The following CDH23 variants were observed in gnomAD, a reference collection of about 807,000 sequenced individuals.
CDH23 encodes cadherin-23.
Under a neutral mutation model 317.1 loss-of-function variants are expected in CDH23, and 189 were observed. The ratio of observed to expected loss-of-function variants is 0.60; its 90% CI spans 0.53 to 0.67. CDH23 has a LOEUF of 0.67. Ranked by LOEUF, CDH23 falls within the 30% of genes least tolerant of loss-of-function variation. The probability of loss-of-function intolerance (pLI) is 0.00; values close to 1 mark genes in which losing one functional copy is unlikely to be tolerated. For missense variants in CDH23, 4,401 were observed against 4,592.4 expected, an observed-to-expected ratio of 0.96 and a Z score of 1.20; for synonymous variants, 1,839 against 1,876.8, an observed-to-expected ratio of 0.98 and a Z score of 0.52.
At position 71,646,594 on chromosome 10, in the gene CDH23, G is replaced by C; in HGVS notation, c.1426G>C (p.Gly476Arg). Reference protein sequence around the residue: ...NISLYENVTVGTSVLTVLATD... With the variant: ...NISLYENVTVRTSVLTVLATD... ...CAGCCTGTACGAGAACGTCACCGTG[G>C]GGACCTCTGTGCTGACAGTCCTGGT... The change falls in exon 14 of 70, where the codon GGG becomes CGG. Residue 476 changes from glycine (G) to arginine (R), a missense_variant. Physicochemically the swap from Gly to Arg is moderately radical, Grantham distance 125 (BLOSUM62 -2). Transcript: ENST00000224721. 1 of 1,614,022 alleles carries C rather than the reference G, an allele frequency of 6.2e-7. No homozygotes were observed. The highest frequency in any genetic ancestry group is 8.5e-7 in the Non-Finnish European group (1 of 1,179,894).
At chr10:71,738,794 A>G in intron 35 of CDH23, 147 bp downstream of exon 35, 1 of 1,093,872 alleles carries the variant, frequency 9.1e-7, no homozygotes, top group South Asian at 1.5e-5. Flanking sequence ...GTCTGTGGTC[A>G]GGGAGAAGGG....
Position 71,812,880 on chromosome 10 carries a change from G to A in CDH23, c.9623G>A (p.Gly3208Glu), listed in dbSNP as rs1398333333. The A allele has an allele frequency of 6.2e-7, 1 of 1,613,512 alleles. No homozygotes were observed. Among genetic ancestry groups the A allele is most frequent in the Non-Finnish European group, 8.5e-7 (1 of 1,179,684 alleles). The stretch of plus-strand genomic sequence containing the variant: ...AAGCTGGGCCAGATCATTCGTGAGG[G>A]GCCAATCAAGGTGAGCCTTCCCTGC... ...IAKLGQIIRE[G>E]PIKGSLLKVV... The change falls in exon 68 of 70, where the codon GGG becomes GAG. Residue 3208 changes from glycine (G) to glutamate (E), a missense_variant. Around this residue, in one of 3 missense-constraint regions of CDH23, gnomAD observed 1,144 missense variants for 1,138.2 expected, o/e 1.01. Coordinates refer to ENST00000224721, the MANE Select transcript of CDH23 (RefSeq NM_022124.6).
At chr10:71,604,726 C>T (rs1231718925) in intron 9 of CDH23, among the ~76,000 whole-genome samples, 2 of 152,238 alleles carry the variant, frequency 1.3e-5, no homozygotes, top group Non-Finnish European at 2.9e-5. Context: ...TGCCCTCCTC[C>T]TCCAGCCTCC....
chr10:71,792,620 T>C (rs1841281386), intron 47 of CDH23, among the ~76,000 whole-genome samples: 3 of 131,438 alleles, frequency 2.3e-5, no homozygotes, highest in Non-Finnish European at 4.8e-5. Context: ...AGGTCTGGAG[T>C]TCCAGACCAG....
intron 9 of CDH23, among the ~76,000 whole-genome samples, chr10:71,596,653 C>T (rs1417637218): frequency 6.6e-6 from 1 of 152,176 alleles, no homozygotes; most frequent in Non-Finnish European, 1.5e-5. Flanking sequence ...GAGGGGTAAC[C>T]AGGAGAGGAG....
Position 71,734,080 on chromosome 10 carries a change from C to T in CDH23, c.4105-160C>T, listed in dbSNP as rs141789033. On this transcript the variant is annotated intron_variant, in intron 32 of 69. Transcript: ENST00000224721. ...AGGCTTCATGGAAGAGGTGGCTTCC[C>T]AGTGGAATGTGAGAGAGAAGAAGGA... 0.014 allele frequency among the ~76,000 whole-genome samples: 2,124 copies of T among 152,304 alleles called. 41 individuals are homozygous for T. Among genetic ancestry groups the T allele is most frequent in the Non-Finnish European group, 0.015 (1,054 of 68,024 alleles).
intron 38 of CDH23, among the ~76,000 whole-genome samples, chr10:71,766,500 T>C (rs1840548130): frequency 6.6e-6 from 1 of 152,210 alleles, no homozygotes; most frequent in African/African-American, 2.4e-5. Flanking sequence ...TCCACTTAGT[T>C]GTGCCCTCAT....
rs368191305 is a variant in CDH23 at position 71,516,914 on chromosome 10, A to G, written c.429+5702A>G. Among the ~76,000 whole-genome samples the G allele has an allele frequency of 2.6e-5, 4 of 152,328 alleles. No individual in the cohort carries two copies. In the South Asian group the frequency reaches 6.2e-4, roughly 24 times the overall value. ...TAGAGTGCTCAGCCCGGGTCCCAGGATAAGTGCTTGCTCAGGAGATGGCTG... is the reference window on the plus strand; with the variant it reads ...TAGAGTGCTCAGCCCGGGTCCCAGGGTAAGTGCTTGCTCAGGAGATGGCTG... On this transcript the variant is annotated intron_variant, in intron 6 of 69. Coordinates refer to ENST00000224721, the MANE Select transcript of CDH23 (RefSeq NM_022124.6).
At chr10:71,735,594 C>T (rs758596160) in intron 34 of CDH23, among the ~76,000 whole-genome samples, 6 of 152,218 alleles carry the variant, frequency 3.9e-5, no homozygotes, top group African/African-American at 9.7e-5. Context: ...CCTCATCAGC[C>T]TTGGTTACAG....
At chr10:71,627,459 G>C (rs1861794195) in intron 11 of CDH23, among the ~76,000 whole-genome samples, 1 of 152,166 alleles carries the variant, frequency 6.6e-6, no homozygotes, top group African/African-American at 2.4e-5. Context: ...CTAAGCTCCA[G>C]CCTCCCTGGG....
intron 16 of CDH23, 93 bp from the exon 17 acceptor site, chr10:71,679,294 G>A (rs986371360): frequency 1.1e-5 from 10 of 888,256 alleles, no homozygotes; most frequent in Admixed American, 2.0e-5. Flanking sequence ...GCTGTGAACA[G>A]GGCCAGTCTT....
Position 71,734,292 on chromosome 10 carries a change from C to A in CDH23, c.4157C>A (p.Thr1386Asn). The A allele has an allele frequency of 6.2e-7, 1 of 1,612,616 alleles. No individual in the cohort carries two copies. The highest frequency in any genetic ancestry group is 8.5e-7 in the Non-Finnish European group (1 of 1,179,330). ...GACCGTGAGAAGGGCGACTTCTATA[C>A]CTTGACAGTGGTGGCAGATGACGGC... The part of the protein sequence containing the change: ...LVDREKGDFY[T>N]LTVVADDGGP... Residue 1386 changes from threonine (T) to asparagine (N), a missense_variant, in exon 33 of 70, where the codon ACC becomes AAC. Physicochemically the swap from Thr to Asn is moderately conservative, Grantham distance 65. This residue lies in a region of CDH23 where 3,068 missense variants were observed against 3,203.3 expected (regional missense o/e 0.96). Coordinates refer to ENST00000224721, the MANE Select transcript of CDH23 (RefSeq NM_022124.6).
At chr10:71,415,591 A>G (rs1000145253) in intron 1 of CDH23, among the ~76,000 whole-genome samples, 3 of 152,222 alleles carry the variant, frequency 2.0e-5, no homozygotes, top group Admixed American at 1.3e-4. Context: ...AGATACATAC[A>G]TAGCTCATTG....
Position 71,779,196 on chromosome 10 carries a change from G to A in CDH23, c.5188-71G>A, listed in dbSNP as rs1158711246. 12 of 1,433,574 alleles carry A rather than the reference G, an allele frequency of 8.4e-6. No individual in the cohort carries two copies. In the South Asian group the frequency reaches 1.4e-4, roughly 17 times the overall value. The allele number at this position is 1,433,574 out of a possible 1,614,324, so 88.8% of individuals were successfully genotyped here. On this transcript the variant is annotated intron_variant, in intron 40 of 69. Transcript: ENST00000224721. ...GCAGAATTATCAGGTCCATTTCACA[G>A]AGGAAGGAACTGAGGCCCAGCACAA...
chr10:71,753,010 C>T, intron 38 of CDH23: 1 of 1,612,044 alleles, frequency 6.2e-7, no homozygotes. Flanking sequence ...CACCTAGGGA[C>T]AGACAGACAG....
intron 9 of CDH23, among the ~76,000 whole-genome samples, chr10:71,600,514 CTTTTTTTT>C (rs538778849): frequency 8.8e-5 from 11 of 125,232 alleles, no homozygotes; most frequent in Non-Finnish European, 1.8e-4. Context: ...GACCGCAGAA[CTTTTTTTT>C]TTTTTTTTTT....
chr10:71,799,695 C>T, intron 52 of CDH23, 66 bp downstream of exon 52: 1 of 1,606,280 alleles, frequency 6.2e-7, no homozygotes, highest in Non-Finnish European at 8.5e-7. Context: ...ACTGAGCAGC[C>T]ACCAAAAGTA....
At chr10:71,544,414 A>T (rs1414357997) in intron 6 of CDH23, among the ~76,000 whole-genome samples, 2 of 152,170 alleles carry the variant, frequency 1.3e-5, no homozygotes, top group Admixed American at 1.3e-4. Flanking sequence ...CAGCCTCACC[A>T]GGGGGAGGGC....
chr10:71,784,552 C>G lies in CDH23; in HGVS notation c.5502+132C>G. 4 of 1,263,380 alleles carry G rather than the reference C, an allele frequency of 3.2e-6. No individual in the cohort carries two copies. In the South Asian group the frequency reaches 5.9e-5, roughly 19 times the overall value. The allele number at this position is 1,263,380 out of a possible 1,614,324, so 78.3% of individuals were successfully genotyped here. ...CCCTGGAGCCAGGCCAGGCCTGCCC[C>G]TGGGGCCCTTAATAGACCTCTCGCC... On this transcript the variant is annotated intron_variant, in intron 42 of 69. Coordinates refer to ENST00000224721, the MANE Select transcript of CDH23 (RefSeq NM_022124.6).
Sources: gnomAD v4.1 joint callset for allele counts (sites outside exome capture counted in the v4.1 genomes callset) on GRCh38, gnomAD v4.1.1 for gene constraint, gnomAD v4.1.1 regional missense constraint, MANE v1.5 for transcripts, NCBI Gene and HGNC (gene_info 2026-07-23, HGNC 2026-07-21) for gene names.